The following LRRTM4 variants were observed in gnomAD, a reference collection of about 807,000 sequenced individuals.
LRRTM4 encodes the protein leucine rich repeat transmembrane neuronal 4.
A neutral mutation model predicts 47.6 loss-of-function variants in LRRTM4; 25 were observed. The ratio of observed to expected loss-of-function variants is 0.53; its 90% CI spans 0.38 to 0.73. LRRTM4 has a LOEUF of 0.73. LRRTM4 is among the 30% of genes least tolerant of loss of function. The probability of loss-of-function intolerance (pLI) is 0.00; values close to 1 mark genes in which losing one functional copy is unlikely to be tolerated. For synonymous variants in LRRTM4, 311 were observed against 269.5 expected, an observed-to-expected ratio of 1.15 and a Z score of -1.51; for missense variants, 638 against 713.4, an observed-to-expected ratio of 0.89 and a Z score of 1.20.
At chr2:77,217,066 C>T (rs1172072777) in intron 3 of LRRTM4, among the ~76,000 whole-genome samples, 1 of 129,728 alleles carries the variant, frequency 7.7e-6, no homozygotes, top group Non-Finnish European at 1.5e-5. Context: ...GAGTGAGACT[C>T]TGTCAAAAAA....
At chr2:76,779,951 G>C (rs1283580195) in intron 3 of LRRTM4, among the ~76,000 whole-genome samples, 15 of 149,750 alleles carry the variant, frequency 1.0e-4, no homozygotes, top group Admixed American at 4.0e-4. Flanking sequence ...TTGTAAGGCA[G>C]GCCTGGTGGT....
chr2:77,058,070 C>T (rs909902868), intron 3 of LRRTM4, among the ~76,000 whole-genome samples: 1 of 152,120 alleles, frequency 6.6e-6, no homozygotes, highest in African/African-American at 2.4e-5. Flanking sequence ...TTGTCAATCC[C>T]ACCTTATGGG....
At chr2:77,081,407 T>C (rs1680528159) in intron 3 of LRRTM4, among the ~76,000 whole-genome samples, 1 of 152,022 alleles carries the variant, frequency 6.6e-6, no homozygotes, top group African/African-American at 2.4e-5. Flanking sequence ...GTTCACATTA[T>C]ACAAATCATT....
chr2:76,903,594 G>C (rs140712496), intron 3 of LRRTM4, among the ~76,000 whole-genome samples: 2 of 151,972 alleles, frequency 1.3e-5, no homozygotes, highest in Non-Finnish European at 2.9e-5. Flanking sequence ...AACTACAAAA[G>C]CTTATTTTAT....
chr2:76,851,881 T>G (rs983978484), intron 3 of LRRTM4, among the ~76,000 whole-genome samples: 10 of 151,936 alleles, frequency 6.6e-5, no homozygotes, highest in African/African-American at 2.4e-4. Flanking sequence ...ATGCTAAAAT[T>G]TTGACCCTAT....
At chr2:77,324,597 C>G (rs1053160157) in intron 3 of LRRTM4, among the ~76,000 whole-genome samples, 1 of 152,118 alleles carries the variant, frequency 6.6e-6, no homozygotes, top group Non-Finnish European at 1.5e-5. Flanking sequence ...TCTTAGGAAA[C>G]TCTTAACATC....
intron 3 of LRRTM4, among the ~76,000 whole-genome samples, chr2:76,941,279 C>T (rs1200112738): frequency 6.6e-6 from 1 of 152,084 alleles, no homozygotes; most frequent in Non-Finnish European, 1.5e-5. Context: ...AATTCCCAGG[C>T]AAAAAGTTGC....
chr2:77,174,552 G>A (rs1673139248), intron 3 of LRRTM4, among the ~76,000 whole-genome samples: 4 of 152,162 alleles, frequency 2.6e-5, no homozygotes, highest in Admixed American at 2.6e-4. Context: ...AGCATATGCA[G>A]TCATCACCAA....
At chr2:77,475,032 T>C (rs764337271) in intron 3 of LRRTM4, among the ~76,000 whole-genome samples, 32 of 152,074 alleles carry the variant, frequency 2.1e-4, no homozygotes, top group Non-Finnish European at 3.7e-4. Flanking sequence ...AGTGAGTATA[T>C]TGTAGACAAC....
chr2:76,757,152 A>G (rs1292193598), intron 3 of LRRTM4, among the ~76,000 whole-genome samples: 1 of 152,126 alleles, frequency 6.6e-6, no homozygotes, highest in Non-Finnish European at 1.5e-5. Flanking sequence ...CGCAAAATGT[A>G]CAATACTCAA....
At chr2:76,987,112 T>A (rs978098375) in intron 3 of LRRTM4, among the ~76,000 whole-genome samples, 3 of 151,986 alleles carry the variant, frequency 2.0e-5, no homozygotes, top group African/African-American at 7.2e-5. Flanking sequence ...AATTCTTATT[T>A]ATTTAATCCT....
intron 3 of LRRTM4, among the ~76,000 whole-genome samples, chr2:77,066,084 TC>T (rs1287206688): frequency 1.3e-5 from 2 of 152,180 alleles, no homozygotes; most frequent in African/African-American, 2.4e-5. Flanking sequence ...TATAACTTTT[TC>T]TATGGATTTT....
At chr2:77,431,175 C>A (rs1469821871) in intron 3 of LRRTM4, among the ~76,000 whole-genome samples, 1 of 149,126 alleles carries the variant, frequency 6.7e-6, no homozygotes, top group Non-Finnish European at 1.5e-5. Context: ...AATAAATCTT[C>A]TCGTCTATCT....
chr2:77,278,595 AG>A (rs928500051), intron 3 of LRRTM4, among the ~76,000 whole-genome samples: 8 of 152,148 alleles, frequency 5.3e-5, no homozygotes, highest in South Asian at 2.1e-4. Context: ...AGAATTGGCA[AG>A]AAAAATTAAA....
At chr2:76,929,381 T>C (rs570831148) in intron 3 of LRRTM4, among the ~76,000 whole-genome samples, 105 of 152,290 alleles carry the variant, frequency 6.9e-4, no homozygotes, top group African/African-American at 2.5e-3. Flanking sequence ...CATGCTACGA[T>C]GGCAAAATTG....
intron 3 of LRRTM4, among the ~76,000 whole-genome samples, chr2:76,969,232 T>C (rs919597845): frequency 2.0e-5 from 3 of 151,990 alleles, no homozygotes; most frequent in Non-Finnish European, 4.4e-5. Context: ...GCATAGACCT[T>C]GTTTCTTTCC....
intron 3 of LRRTM4, among the ~76,000 whole-genome samples, chr2:77,424,079 T>C (rs1244930190): frequency 6.7e-6 from 1 of 148,904 alleles, no homozygotes; most frequent in Non-Finnish European, 1.5e-5. Flanking sequence ...TTAAAACATT[T>C]ATATCAACAA....
intron 3 of LRRTM4, among the ~76,000 whole-genome samples, chr2:77,510,828 TA>T (rs1678955763): frequency 6.6e-6 from 1 of 152,066 alleles, no homozygotes; most frequent in Admixed American, 6.6e-5. Context: ...AAAATGTAGG[TA>T]AAAGTAAAAA....
intron 3 of LRRTM4, among the ~76,000 whole-genome samples, chr2:77,070,228 T>C (rs963601327): frequency 6.6e-6 from 1 of 151,564 alleles, no homozygotes; most frequent in Non-Finnish European, 1.5e-5. Flanking sequence ...AGAGGCTCAG[T>C]CATTTTTTTA....
Sources: gnomAD v4.1 joint callset for allele counts (sites outside exome capture counted in the v4.1 genomes callset) on GRCh38, gnomAD v4.1.1 for gene constraint, MANE v1.5 for transcripts, NCBI Gene and HGNC (gene_info 2026-07-23, HGNC 2026-07-21) for gene names.